The following ZNF610 variants were observed in gnomAD, a reference collection of about 807,000 sequenced individuals.
ZNF610 encodes zink finger protein.
A neutral mutation model predicts 14.1 loss-of-function variants in ZNF610; 14 were observed. That is an observed-to-expected ratio of 0.99 (90% confidence interval 0.65 to 1.55). The LOEUF (loss-of-function observed/expected upper bound fraction) is 1.55, where lower values mean the gene tolerates loss of function less well. Among genes scored for constraint, ZNF610 ranks in the 40% most tolerant of loss-of-function variants. ZNF610 has a pLI of 0.00. For synonymous variants in ZNF610, 185 were observed against 187.6 expected (o/e 0.99, Z 0.11); for missense variants, 530 against 558.0 (o/e 0.95, Z 0.51).
chr19:52,366,460 G>A lies in ZNF610; in HGVS notation c.1082G>A (p.Arg361Gln), dbSNP rs147522536. 30 of 1,613,938 alleles carry A rather than the reference G, an allele frequency of 1.9e-5. No homozygotes were observed. Among genetic ancestry groups the A allele is most frequent in the East Asian group, 1.6e-4 (7 of 44,886 alleles). ...KVFSLLSYLA[R>Q]HQIIHSTEKP... ...TTTAGTCTGCTTTCATACCTTGCAC[G>A]GCATCAAATAATTCATAGTACAGAG... is the stretch of plus-strand genomic sequence containing the variant. The change falls in exon 6 of 6, where the codon CGG becomes CAG. Residue 361 changes from arginine to glutamine, a missense_variant. By Grantham distance (43) the Arg-to-Gln change is conservative. Transcript: ENST00000403906.
intron 4 of ZNF610, 28 bp downstream of exon 4, chr19:52,353,836 G>A (rs1363040779): frequency 1.2e-6 from 2 of 1,600,460 alleles, no homozygotes; most frequent in Admixed American, 3.5e-5. Context: ...CCAGAAGCCG[G>A]GATCTGCTCT....
chr19:52,366,028 C>G lies in ZNF610; in HGVS notation c.650C>G (p.Ala217Gly). The change falls in exon 6 of 6, where the codon GCA becomes GGA. Residue 217 changes from alanine (A) to glycine (G), a missense_variant. Transcript: ENST00000403906. ...GATGGTGAAGTTTTTAGAGTCCGTG[C>G]AAGCCTTACTAACCATCAAGTAATC... ...SEDGEVFRVR[A>G]SLTNHQVIHT... 1 of 1,614,086 alleles carries G rather than the reference C, an allele frequency of 6.2e-7. No individual in the cohort carries two copies. Among genetic ancestry groups the G allele is most frequent in the Non-Finnish European group, 8.5e-7 (1 of 1,180,010 alleles).
In ZNF610 at chr19:52,347,881, T is replaced by G. The variant is rs544437564; in HGVS notation, c.-83T>G. On this transcript the variant is annotated 5_prime_UTR_variant, in exon 2 of 6. Coordinates refer to ENST00000403906, the MANE Select transcript of ZNF610 (RefSeq NM_001161425.2). ...CACAGTTATGTCGTAGGCCATCACA[T>G]TCGGTCACCACACACTCACTGACTC... 6.6e-6 allele frequency: 1 copy of G among 152,322 alleles called. No homozygotes were observed. Among genetic ancestry groups the G allele is most frequent in the South Asian group, 2.1e-4 (1 of 4,830 alleles). 9.4% of individuals were successfully genotyped at this position (152,322 alleles called of 1,614,324 possible).
At chr19:52,334,681 T>C (rs1290876968), upstream of ZNF610, among the ~76,000 whole-genome samples, 1 of 151,830 alleles carries the variant, frequency 6.6e-6, no homozygotes, top group Non-Finnish European at 1.5e-5. Context: ...AACAGAGAAA[T>C]TGCACCAATC....
Position 52,367,131 on chromosome 19 carries a change from C to CT in ZNF610, c.*374dup, listed in dbSNP as rs71335642. The CT allele has an allele frequency of 0.05, 8,782 of 174,188 alleles. 271 individuals carry two copies. The highest frequency in any genetic ancestry group is 0.09 in the South Asian group (507 of 5,628). 10.8% of individuals were successfully genotyped at this position (174,188 alleles called of 1,614,324 possible). The stretch of plus-strand genomic sequence containing the variant: ...GTTTAAAGTTTTTTTTTAGTTTTTT[C>CT]TTTTTTTTTTGAGACGAAGTCTCGC... On this transcript the variant is annotated 3_prime_UTR_variant, in exon 6 of 6. Transcript: ENST00000403906.
chr19:52,354,118 A>G, intron 4 of ZNF610, 133 bp from the exon 5 acceptor site: 1 of 1,262,010 alleles, frequency 7.9e-7, no homozygotes, highest in African/African-American at 1.5e-5. Flanking sequence ...AGCATTCAGA[A>G]GGAGCCAGTC....
Position 52,366,601 on chromosome 19 carries a change from T to C in ZNF610, c.1223T>C (p.Val408Ala). Residue 408 changes from valine (V) to alanine (A), a missense_variant, in exon 6 of 6, where the codon GTC becomes GCC. Coordinates refer to ENST00000403906, the MANE Select transcript of ZNF610 (RefSeq NM_001161425.2). ...TACAAATGTAATGAATGTGACAAAG[T>C]CTTTGGGCGCAAATTATACCTAACC... is the stretch of plus-strand genomic sequence containing the variant. ...KPYKCNECDK[V>A]FGRKLYLTNH... The C allele has an allele frequency of 6.2e-7, 1 of 1,614,118 alleles. No individual in the cohort carries two copies. Among genetic ancestry groups the C allele is most frequent in the East Asian group, 2.2e-5 (1 of 44,866 alleles).
At chr19:52,350,562 C>T (rs1441577791) in intron 3 of ZNF610, among the ~76,000 whole-genome samples, 1 of 152,156 alleles carries the variant, frequency 6.6e-6, no homozygotes, top group African/African-American at 2.4e-5. Flanking sequence ...CCTGTAATCC[C>T]AGCTACCACA....
At chr19:52,359,677 A>G (rs1985687942) in intron 5 of ZNF610, among the ~76,000 whole-genome samples, 1 of 152,198 alleles carries the variant, frequency 6.6e-6, no homozygotes, top group Non-Finnish European at 1.5e-5. Context: ...CCGACGGTAT[A>G]GGAGTTTTTT....
upstream of ZNF610, among the ~76,000 whole-genome samples, chr19:52,332,810 G>A (rs1246558297): frequency 1.3e-5 from 2 of 152,150 alleles, no homozygotes; most frequent in Non-Finnish European, 2.9e-5. The surrounding 1 kb of genome is among the most constrained non-coding windows in gnomAD (Gnocchi z 4.1). Context: ...GGTCAATAAC[G>A]GAGTACAAAG....
intron 5 of ZNF610, among the ~76,000 whole-genome samples, chr19:52,357,446 T>C (rs146418984): frequency 0.019 from 2,936 of 151,842 alleles, 82 homozygotes; most frequent in African/African-American, 0.067. Flanking sequence ...GAGATCGAGA[T>C]CATCCTGGCT....
chr19:52,344,156 A>G (rs1984821107), intron 1 of ZNF610: 1 of 152,156 alleles, frequency 6.6e-6, no homozygotes, highest in Non-Finnish European at 1.5e-5. Flanking sequence ...TGTAAGTGGA[A>G]TCATTTGAAA....
intron 1 of ZNF610, among the ~76,000 whole-genome samples, chr19:52,342,217 T>C (rs1984720617): frequency 6.6e-6 from 1 of 152,156 alleles, no homozygotes; most frequent in African/African-American, 2.4e-5. Context: ...TGTATCCAGA[T>C]GGAGGCATCA....
upstream of ZNF610, among the ~76,000 whole-genome samples, chr19:52,332,424 T>C (rs1009681942): frequency 6.6e-6 from 1 of 152,218 alleles, no homozygotes; most frequent in East Asian, 1.9e-4. This position sits in a 1 kb window ranked among gnomAD's most constrained non-coding sequence, Gnocchi z 4.1. Context: ...TTTTTTCCAC[T>C]TGGAGTTCAG....
intron 2 of ZNF610, among the ~76,000 whole-genome samples, chr19:52,348,765 T>G (rs1331311405): frequency 6.6e-6 from 1 of 152,172 alleles, no homozygotes; most frequent in Admixed American, 6.5e-5. Flanking sequence ...GTTCTGTCTC[T>G]GGCGCTGAGC....
intron 1 of ZNF610, among the ~76,000 whole-genome samples, chr19:52,339,221 A>G (rs1280483091): frequency 6.6e-6 from 1 of 151,774 alleles, no homozygotes; most frequent in Non-Finnish European, 1.5e-5. Context: ...TAGACATTCT[A>G]TTGCCCAAGG....
At chr19:52,361,609 ATTTATT>A (rs746251277) in intron 5 of ZNF610, among the ~76,000 whole-genome samples, 39 of 151,694 alleles carry the variant, frequency 2.6e-4, no homozygotes, top group African/African-American at 7.0e-4. Flanking sequence ...TCTTTTTAAA[ATTTATT>A]TTAATTTAAA....
At chr19:52,338,224 C>T (rs1033931280) in intron 1 of ZNF610, among the ~76,000 whole-genome samples, 4 of 152,164 alleles carry the variant, frequency 2.6e-5, no homozygotes, top group Admixed American at 1.3e-4. Flanking sequence ...AACTATGAAC[C>T]GGGGGTTCCC....
upstream of ZNF610, among the ~76,000 whole-genome samples, chr19:52,334,636 A>G (rs1216089618): frequency 2.0e-5 from 3 of 152,228 alleles, no homozygotes; most frequent in African/African-American, 7.2e-5. Context: ...CAGAAAATCT[A>G]AACAGAATGT....
Sources: allele counts gnomAD v4.1 joint callset (sites outside exome capture counted in the v4.1 genomes callset), GRCh38; gene constraint gnomAD v4.1.1; non-coding constraint Gnocchi (gnomAD v3.1); transcripts MANE v1.5; gene names NCBI Gene and HGNC (gene_info 2026-07-23, HGNC 2026-07-21).